The following ARHGAP8 variants were observed in gnomAD, a reference collection of about 807,000 sequenced individuals.
The protein encoded by ARHGAP8 is Rho GTPase activating protein 8.
A neutral mutation model predicts 46.1 loss-of-function variants in ARHGAP8; 62 were observed. The ratio of observed to expected loss-of-function variants is 1.34; its 90% CI spans 1.10 to 1.66. ARHGAP8 has a LOEUF of 1.66. Ranked by LOEUF, ARHGAP8 falls within the 40% of genes most tolerant of loss-of-function variation. The pLI is 0.00. For synonymous variants in ARHGAP8, 375 were observed against 243.1 expected (o/e 1.54, Z -5.05); for missense variants, 923 against 568.4 (o/e 1.62, Z -6.34).
intron 3 of ARHGAP8, among the ~76,000 whole-genome samples, chr22:44,805,586 T>C (rs533918744): frequency 1.1e-4 from 17 of 152,224 alleles, no homozygotes; most frequent in Non-Finnish European, 2.4e-4. Flanking sequence ...AACAGTTGTA[T>C]AGGTTGTTCA....
chr22:44,809,154 C>T (rs1482283101), intron 4 of ARHGAP8: 5 of 470,984 alleles, frequency 1.1e-5, no homozygotes, highest in South Asian at 7.7e-5. Flanking sequence ...AGACAGTCAG[C>T]ATTTTAGCTT....
intron 3 of ARHGAP8, among the ~76,000 whole-genome samples, chr22:44,806,721 G>A (rs998419399): frequency 1.2e-4 from 18 of 152,158 alleles, no homozygotes; most frequent in Non-Finnish European, 2.1e-4. Context: ...TTGGGAGGCC[G>A]AGGCGGGTGG....
intron 1 of ARHGAP8, among the ~76,000 whole-genome samples, chr22:44,773,227 A>G (rs1219538255): frequency 2.6e-5 from 4 of 152,132 alleles, no homozygotes; most frequent in African/African-American, 4.8e-5. Flanking sequence ...AAATGTGTCA[A>G]ATTTATCTAG....
intron 10 of ARHGAP8, among the ~76,000 whole-genome samples, chr22:44,851,624 A>G (rs540152783): frequency 6.6e-6 from 1 of 152,238 alleles, no homozygotes; most frequent in South Asian, 2.1e-4. Flanking sequence ...CAAGAGTTTG[A>G]GTCCAAGAGT....
chr22:44,827,334 T>TG (rs1930592533), intron 7 of ARHGAP8, among the ~76,000 whole-genome samples: 1 of 112,330 alleles, frequency 8.9e-6, no homozygotes, highest in Admixed American at 1.1e-4. Flanking sequence ...ATTTGGGTGG[T>TG]GGTTTTTTTT....
rs536002445 is a variant in ARHGAP8 at position 44,859,363 on chromosome 22, C to T, written c.878-368C>T. On this transcript the variant is annotated intron_variant, in intron 10 of 11. Transcript: ENST00000356099. The stretch of plus-strand genomic sequence containing the variant: ...AAGCATGTGGCACCTCTGTCCCACT[C>T]TCTCTTGCTCCTGTTTTTGCCACGT... Among the ~76,000 whole-genome samples, 16 of 151,660 alleles carry T rather than the reference C, an allele frequency of 1.1e-4. No homozygotes were observed. In the South Asian group the frequency reaches 2.9e-3, roughly 27 times the overall value.
chr22:44,757,334 A>G (rs1208714278), intron 1 of ARHGAP8, among the ~76,000 whole-genome samples: 1 of 151,852 alleles, frequency 6.6e-6, no homozygotes, highest in Admixed American at 6.6e-5. Flanking sequence ...CTAGAGTGCA[A>G]TGATGCCATC....
At chr22:44,858,940 A>C (rs2070331415) in intron 10 of ARHGAP8, among the ~76,000 whole-genome samples, 1 of 151,758 alleles carries the variant, frequency 6.6e-6, no homozygotes, top group African/African-American at 2.4e-5. Context: ...TGTTGCAACT[A>C]CTCAGCTCTG....
At chr22:44,808,475 G>T in intron 4 of ARHGAP8, 37 bp downstream of exon 4, 2 of 1,608,790 alleles carry the variant, frequency 1.2e-6, no homozygotes, top group Non-Finnish European at 1.7e-6. Context: ...GTGGGTGTGG[G>T]CTGCTTGTGG....
At chr22:44,826,546 T>TTC (rs1930536624) in intron 7 of ARHGAP8, among the ~76,000 whole-genome samples, 1 of 152,136 alleles carries the variant, frequency 6.6e-6, no homozygotes, top group African/African-American at 2.4e-5. Context: ...TGCCTTAGCC[T>TTC]CCTGAGTAGC....
chr22:44,767,982 G>GTTTTTTTTT (rs1569134963), intron 1 of ARHGAP8, among the ~76,000 whole-genome samples: 1 of 69,752 alleles, frequency 1.4e-5, no homozygotes, highest in Admixed American at 2.0e-4. Context: ...CCCGCATGAT[G>GTTTTTTTTT]TCTTTTTTTT....
At chr22:44,824,935 G>A (rs1164181677) in intron 6 of ARHGAP8, among the ~76,000 whole-genome samples, 1 of 151,992 alleles carries the variant, frequency 6.6e-6, no homozygotes, top group African/African-American at 2.4e-5. Context: ...GCCGAGCACA[G>A]AGGTTCTTTT....
intron 1 of ARHGAP8, among the ~76,000 whole-genome samples, chr22:44,777,408 C>G (rs1926504838): frequency 1.3e-5 from 2 of 151,982 alleles, no homozygotes; most frequent in African/African-American, 4.8e-5. Flanking sequence ...ACAATAAAAT[C>G]TCATGATCAG....
At chr22:44,777,315 A>T (rs1303925397) in intron 1 of ARHGAP8, 1 of 151,876 alleles carries the variant, frequency 6.6e-6, no homozygotes, top group Non-Finnish European at 1.5e-5. Context: ...CGTTCGTCTC[A>T]ATTTTGAACA....
chr22:44,838,139 AATT>A (rs1384596966), intron 7 of ARHGAP8, among the ~76,000 whole-genome samples: 1 of 139,064 alleles, frequency 7.2e-6, no homozygotes, highest in Non-Finnish European at 1.6e-5. Context: ...ATGCCTGGCT[AATT>A]TTTTTTTTTT....
chr22:44,857,642 TGA>T (rs1193375703), intron 10 of ARHGAP8, among the ~76,000 whole-genome samples: 4 of 152,108 alleles, frequency 2.6e-5, no homozygotes, highest in African/African-American at 4.8e-5. Context: ...TCTTCAGAGA[TGA>T]GTTTGCCCCT....
At chr22:44,859,652 CCT>C (rs3216832) in intron 10 of ARHGAP8, 77 bp from the exon 11 acceptor site, 239,189 of 1,498,894 alleles carry the variant, frequency 0.16, 19,929 homozygotes, top group East Asian at 0.33. Flanking sequence ...TTCCTACACC[CCT>C]GTTCTCCTCC....
Position 44,848,144 on chromosome 22 carries a change from C to CT in ARHGAP8, c.748+94_748+95insT. 7 of 1,513,630 alleles carry CT rather than the reference C, an allele frequency of 4.6e-6. No homozygotes were observed. The South Asian group carries it at 7.1e-5, about 15-fold the overall frequency. The allele number at this position is 1,513,630 out of a possible 1,614,324, so 93.8% of individuals were successfully genotyped here. On this transcript the variant is annotated intron_variant, in intron 9 of 11. Coordinates refer to ENST00000356099, the MANE Select transcript of ARHGAP8 (RefSeq NM_181335.3). ...AGCGGAGGCAGGGAAGCACCGCCCCCGCAACCCACCCAACTCCCAGAAAAC... is the reference window on the plus strand; with the variant it reads ...AGCGGAGGCAGGGAAGCACCGCCCCCTGCAACCCACCCAACTCCCAGAAAAC...
intron 2 of ARHGAP8, among the ~76,000 whole-genome samples, chr22:44,792,860 G>A (rs1927805316): frequency 6.7e-6 from 1 of 149,604 alleles, no homozygotes; most frequent in Non-Finnish European, 1.5e-5. Context: ...GTCTTACTCT[G>A]TTGCTCAGGC....
Sources: gnomAD v4.1 joint callset for allele counts (sites outside exome capture counted in the v4.1 genomes callset) on GRCh38, gnomAD v4.1.1 for gene constraint, MANE v1.5 for transcripts, NCBI Gene and HGNC (gene_info 2026-07-23, HGNC 2026-07-21) for gene names.